Variants in CLPTM1 observed in about 807,000 individuals in gnomAD.
The protein encoded by CLPTM1 is CLPTM1 regulator of GABA type A receptor forward trafficking, also known as putative lipid scramblase CLPTM1.
A neutral mutation model predicts 77.3 loss-of-function variants in CLPTM1; 21 were observed. The ratio of observed to expected loss-of-function variants is 0.27; its 90% CI spans 0.19 to 0.39. The LOEUF is 0.39. Ranked by LOEUF, CLPTM1 falls within the 10% of genes least tolerant of loss-of-function variation. The pLI, the probability that CLPTM1 is intolerant of heterozygous loss-of-function variation, is 1.00. For synonymous variants in CLPTM1, 373 were observed against 381.0 expected, an observed-to-expected ratio of 0.98 and a Z score of 0.24; for missense variants, 642 against 921.2, an observed-to-expected ratio of 0.70 and a Z score of 3.92.
intron 5 of CLPTM1, among the ~76,000 whole-genome samples, chr19:44,984,908 C>CT (rs1466135739): frequency 3.3e-5 from 5 of 152,250 alleles, no homozygotes; most frequent in African/African-American, 9.6e-5. Flanking sequence ...AGGCTGGTCT[C>CT]TAACTCCTGA....
At chr19:44,975,424 G>A (rs561792548) in intron 4 of CLPTM1, among the ~76,000 whole-genome samples, 1 of 152,288 alleles carries the variant, frequency 6.6e-6, no homozygotes, top group African/African-American at 2.4e-5. Flanking sequence ...GGCCTTCTTC[G>A]GCTGAGTCCA....
At position 44,992,658 on chromosome 19, in the gene CLPTM1, G is replaced by A. The variant is rs1971095980; in HGVS notation, c.1771G>A (p.Asp591Asn). Reference protein sequence around the residue: ...YLYQRWIYRVDPTRVNEFGMS... With the variant: ...YLYQRWIYRVNPTRVNEFGMS... Reference sequence around the variant, plus strand: ...CTACCAACGGTGGATCTACCGCGTCGACCCCACCCGAGTCAACGAGTTTGG... The same window carrying A: ...CTACCAACGGTGGATCTACCGCGTCAACCCCACCCGAGTCAACGAGTTTGG... Residue 591 changes from aspartate to asparagine, a missense_variant, in exon 14 of 14, where the codon GAC (aspartate) becomes AAC (asparagine). Asp to Asn is a conservative substitution (Grantham distance 23). Transcript: ENST00000337392. This position sits in a 1 kb window ranked among gnomAD's most constrained non-coding sequence, Gnocchi z 7.7. 6.2e-7 allele frequency: 1 copy of A among 1,613,670 alleles called. No homozygotes were observed. The highest frequency in any genetic ancestry group is 8.5e-7 in the Non-Finnish European group (1 of 1,179,944).
intron 3 of CLPTM1, among the ~76,000 whole-genome samples, chr19:44,973,595 G>T (rs1027183201): frequency 3.3e-5 from 5 of 152,072 alleles, no homozygotes; most frequent in Admixed American, 6.6e-5. Flanking sequence ...AGGTGGGCCC[G>T]GAAGGAGAGG....
chr19:44,971,182 G>T (rs1488009224), intron 2 of CLPTM1, among the ~76,000 whole-genome samples: 2 of 152,148 alleles, frequency 1.3e-5, no homozygotes, highest in African/African-American at 2.4e-5. Flanking sequence ...TTGCCTGAAG[G>T]TTTGGTAACC....
chr19:44,992,949 C>A lies in CLPTM1; in HGVS notation c.*52C>A. On this transcript the variant is annotated 3_prime_UTR_variant, in exon 14 of 14. Coordinates refer to ENST00000337392, the MANE Select transcript of CLPTM1 (RefSeq NM_001294.4). The surrounding 1 kb of genome is among the most constrained non-coding windows in gnomAD (Gnocchi z 7.7). ...CTCCTGGCGACCACTACCCCTGCGTCCCGGCCCCCTCGCCTCCCCTCCCTG... is the reference window on the plus strand; with the variant it reads ...CTCCTGGCGACCACTACCCCTGCGTACCGGCCCCCTCGCCTCCCCTCCCTG... 3 of 1,579,212 alleles carry A rather than the reference C, an allele frequency of 1.9e-6. No homozygotes were observed. The highest frequency in any genetic ancestry group is 1.7e-6 in the Non-Finnish European group (2 of 1,162,712).
intron 5 of CLPTM1, among the ~76,000 whole-genome samples, chr19:44,983,753 G>A (rs1194090808): frequency 6.6e-6 from 1 of 151,856 alleles, no homozygotes; most frequent in Non-Finnish European, 1.5e-5. Context: ...ACGAGATCAG[G>A]AGATTGAGAC....
intron 5 of CLPTM1, among the ~76,000 whole-genome samples, chr19:44,983,232 G>T (rs923570278): frequency 6.6e-6 from 1 of 152,120 alleles, no homozygotes; most frequent in African/African-American, 2.4e-5. Flanking sequence ...TGTTGGCCAG[G>T]TCTCTTTCCC....
At chr19:44,972,977 A>C in intron 2 of CLPTM1, 110 bp from the exon 3 acceptor site, 1 of 1,465,844 alleles carries the variant, frequency 6.8e-7, no homozygotes, top group Admixed American at 2.1e-5. Context: ...TGACTTGGTC[A>C]CTAGCCCCAG....
chr19:44,956,763 C>CA (rs1277751495), intron 1 of CLPTM1, among the ~76,000 whole-genome samples: 3 of 152,162 alleles, frequency 2.0e-5, no homozygotes, highest in Non-Finnish European at 4.4e-5. Context: ...CCTGAGCTTC[C>CA]AGATGGCACT....
chr19:44,991,088 GC>G lies in CLPTM1; in HGVS notation c.1419+144del. 4.8e-6 allele frequency: 6 copies of G among 1,242,922 alleles called. No individual in the cohort carries two copies. The highest frequency in any genetic ancestry group is 6.4e-6 in the Non-Finnish European group (6 of 940,482). 77.0% of individuals were successfully genotyped at this position (1,242,922 alleles called of 1,614,324 possible). On this transcript the variant is annotated intron_variant, in intron 11 of 13. Coordinates refer to ENST00000337392, the MANE Select transcript of CLPTM1 (RefSeq NM_001294.4). The surrounding 1 kb of genome is among the most constrained non-coding windows in gnomAD (Gnocchi z 5.4). ...TCTGTGTCCCCCATCTGCCATAACT[GC>G]TTCCCTGGGCGAGTCCGGAGTCCCC...
chr19:44,981,783 T>C (rs1483697889), intron 5 of CLPTM1, among the ~76,000 whole-genome samples: 1 of 150,744 alleles, frequency 6.6e-6, no homozygotes, highest in Non-Finnish European at 1.5e-5. Context: ...TGGTGGCACA[T>C]GCCTGTAATC....
In CLPTM1 at chr19:44,970,399, CA is replaced by C. The variant is rs1353893709; in HGVS notation, c.186-2687del. Among the ~76,000 whole-genome samples the C allele has an allele frequency of 2.1e-3, 179 of 85,164 alleles. 3 individuals carry two copies. Among genetic ancestry groups the C allele is most frequent in the Non-Finnish European group, 3.0e-3 (126 of 42,032 alleles). 55.9% of individuals were successfully genotyped at this position (85,164 alleles called of 152,430 possible). A position where few individuals can be genotyped will look rare whatever the true frequency, so the allele number is the denominator to read the frequency against. On this transcript the variant is annotated intron_variant, in intron 2 of 13. Transcript: ENST00000337392. ...ATATGTTGTATGTGCCCTGGGCTAG[CA>C]TTTTTTTTTTTTTTTTTGAGACAGG...
At position 44,985,313 on chromosome 19, in the gene CLPTM1, C is replaced by T. The variant is rs1970960889; in HGVS notation, c.672+10C>T. On this transcript the variant is annotated intron_variant, in intron 6 of 13. Transcript: ENST00000337392. ...CCCAGAAATGATCAAGGTAAATGGG[C>T]AGGGTTGTCAGGGCCTATAGGGACC... 1 of 1,575,374 alleles carries T rather than the reference C, an allele frequency of 6.3e-7. No homozygotes were observed. The highest frequency in any genetic ancestry group is 8.7e-7 in the Non-Finnish European group (1 of 1,145,414).
chr19:44,957,456 A>G (rs145866173), intron 1 of CLPTM1, among the ~76,000 whole-genome samples: 1 of 152,366 alleles, frequency 6.6e-6, no homozygotes, highest in East Asian at 1.9e-4. Context: ...TGTTTGTGGA[A>G]TGAGCGGATC....
intron 4 of CLPTM1, among the ~76,000 whole-genome samples, chr19:44,974,951 G>A (rs1970782838): frequency 6.6e-6 from 1 of 152,228 alleles, no homozygotes; most frequent in Non-Finnish European, 1.5e-5. Context: ...AGTTAATGTT[G>A]ATTGAGCTAA....
intron 2 of CLPTM1, among the ~76,000 whole-genome samples, chr19:44,965,554 C>T (rs1223848249): frequency 2.0e-5 from 3 of 151,926 alleles, no homozygotes; most frequent in Admixed American, 1.3e-4. Context: ...TGGCTCACGC[C>T]TGTAATCCCA....
At chr19:44,975,891 C>T (rs1174658475) in intron 4 of CLPTM1, among the ~76,000 whole-genome samples, 1 of 152,024 alleles carries the variant, frequency 6.6e-6, no homozygotes, top group Non-Finnish European at 1.5e-5. Context: ...GAGATGGGGT[C>T]TTGCTCTGTT....
Position 44,962,060 on chromosome 19 carries a change from A to G in CLPTM1, c.170A>G (p.Lys57Arg), listed in dbSNP as rs902926484. The G allele has an allele frequency of 7.5e-6, 12 of 1,606,630 alleles. No individual in the cohort carries two copies. In the Admixed American group the frequency reaches 1.4e-4, roughly 18 times the overall value. ...QPAPNAWQVI[K>R]GVLFRIFIIW... The stretch of plus-strand genomic sequence containing the variant: ...GCACCCAATGCCTGGCAGGTCATCA[A>G]AGGTGTGCTGTTTAGGTGAGCAGAC... Residue 57 changes from lysine (K) to arginine (R), a missense_variant, in exon 2 of 14, where the codon AAA becomes AGA. By Grantham distance (26) the Lys-to-Arg change is conservative (BLOSUM62 2). Around this residue, in one of 2 missense-constraint regions of CLPTM1, gnomAD observed 121 missense variants for 120.8 expected, o/e 1.00. Coordinates refer to ENST00000337392, the MANE Select transcript of CLPTM1 (RefSeq NM_001294.4).
At position 44,992,276 on chromosome 19, in the gene CLPTM1, C is replaced by G. The variant is rs545873773; in HGVS notation, c.1599C>G (p.Leu533=). The part of the protein sequence containing the change: ...MTPQLFINYK[L]KSVAHLPWRM... ...CCCAGCTCTTCATCAACTACAAGCT[C>G]AAGTCTGTGGCCCACCTTCCCTGGC... Residue 533 remains leucine, a synonymous_variant, in exon 13 of 14, where the codon CTC becomes CTG. Coordinates refer to ENST00000337392, the MANE Select transcript of CLPTM1 (RefSeq NM_001294.4). This position sits in a 1 kb window ranked among gnomAD's most constrained non-coding sequence, Gnocchi z 7.7. 8 of 1,614,082 alleles carry G rather than the reference C, an allele frequency of 5.0e-6. No individual in the cohort carries two copies. Among genetic ancestry groups the G allele is most frequent in the East Asian group, 2.2e-5 (1 of 44,878 alleles).
Sources: allele counts gnomAD v4.1 joint callset (sites outside exome capture counted in the v4.1 genomes callset), GRCh38; gene constraint gnomAD v4.1.1; regional missense constraint gnomAD v4.1.1; non-coding constraint Gnocchi (gnomAD v3.1); transcripts MANE v1.5; gene names NCBI Gene and HGNC (gene_info 2026-07-23, HGNC 2026-07-21).